Variants in DHX34 observed in about 807,000 individuals in gnomAD.
The protein encoded by DHX34 is DExH-box helicase 34.
DHX34 carries 96 observed loss-of-function variants against 111.1 expected under a neutral mutation model. The observed-to-expected ratio is 0.86, with a 90% CI of 0.73 to 1.02. The LOEUF (loss-of-function observed/expected upper bound fraction) is 1.02. Ranked by LOEUF, DHX34 falls within the 50% of genes least tolerant of loss-of-function variation. The pLI, the probability that DHX34 is intolerant of heterozygous loss-of-function variation, is 0.00. For missense variants in DHX34, 1,560 were observed against 1,579.9 expected, an observed-to-expected ratio of 0.99 and a Z score of 0.21; for synonymous variants, 688 against 670.4, an observed-to-expected ratio of 1.03 and a Z score of -0.41.
intron 3 of DHX34, 28 bp from the exon 4 acceptor site, chr19:47,357,838 G>C (rs771830044): frequency 1.9e-6 from 3 of 1,600,014 alleles, no homozygotes; most frequent in Non-Finnish European, 1.7e-6. Flanking sequence ...GACAGGGTGT[G>C]CTTCTACCTG....
At chr19:47,375,161 A>G (rs1419360041) in intron 9 of DHX34, among the ~76,000 whole-genome samples, 1 of 152,188 alleles carries the variant, frequency 6.6e-6, no homozygotes, top group Non-Finnish European at 1.5e-5. Flanking sequence ...GCTGTGTGGG[A>G]AAGCAGGGCC....
In DHX34 at chr19:47,357,966, A is replaced by ATTGACCACAAC. The variant is rs1456022677; in HGVS notation, c.1118_1119insTTGACCACAAC (p.Pro374Ter). 8 of 1,613,844 alleles carry ATTGACCACAAC rather than the reference A, an allele frequency of 5.0e-6. No individual in the cohort carries two copies. The Admixed American group carries it at 5.0e-5, about 10-fold the overall frequency. On this transcript the variant is annotated stop_gained and frameshift_variant, in exon 4 of 17. Coordinates refer to ENST00000328771, the MANE Select transcript of DHX34 (RefSeq NM_014681.6). LOFTEE classifies it high-confidence loss of function. ...GTGCTGGAGTCCATTGACCACAAGT[A>ATTGACCACAAC]CCCGCCTGAGGAGCGGGGTGACCTC...
At position 47,382,604 on chromosome 19, in the gene DHX34, G is replaced by T. The variant is rs1970404639; in HGVS notation, c.*491G>T. The T allele has an allele frequency of 6.4e-6, 1 of 155,332 alleles. No individual in the cohort carries two copies. The highest frequency in any genetic ancestry group is 1.4e-5 in the Non-Finnish European group (1 of 69,756). 9.6% of individuals were successfully genotyped at this position (155,332 alleles called of 1,614,324 possible). ...CACTGGTGTTCACGTGGGACCACAGGCTGCACCATAAGACCCACTCACAAT... is the reference window on the plus strand; with the variant it reads ...CACTGGTGTTCACGTGGGACCACAGTCTGCACCATAAGACCCACTCACAAT... On this transcript the variant is annotated 3_prime_UTR_variant, in exon 17 of 17. Coordinates refer to ENST00000328771, the MANE Select transcript of DHX34 (RefSeq NM_014681.6).
In DHX34 at chr19:47,379,725, A is replaced by G; in HGVS notation, c.2722A>G (p.Ser908Gly). The change falls in exon 14 of 17, where the codon AGC (serine) becomes GGC (glycine). Residue 908 changes from serine to glycine, a missense_variant. Transcript: ENST00000328771. ...IPALQSLLLF[S>G]RSLDTNGDCS... The stretch of plus-strand genomic sequence containing the variant: ...TCTCTTTCAGTCCCTCCTGCTTTTT[A>G]GCCGGTCTTTGGACACCAATGGTGA... 6.3e-7 allele frequency: 1 copy of G among 1,597,908 alleles called. No homozygotes were observed. Among genetic ancestry groups the G allele is most frequent in the Non-Finnish European group, 8.6e-7 (1 of 1,166,882 alleles).
At chr19:47,360,843 TG>T (rs1365440159) in intron 5 of DHX34, among the ~76,000 whole-genome samples, 1 of 152,006 alleles carries the variant, frequency 6.6e-6, no homozygotes, top group Non-Finnish European at 1.5e-5. Context: ...GGCTAATTTT[TG>T]TATGTTTAGG....
At chr19:47,372,634 AGGAGGGCAGGCG>A (rs11269662) in intron 7 of DHX34, 84 bp from the exon 8 acceptor site, 91,599 of 1,452,288 alleles carry the variant, frequency 0.063, 3,636 homozygotes, top group African/African-American at 0.19. Flanking sequence ...GGGTGGGAGC[AGGAGGGCAGGCG>A]GGAGGGCAGG....
intron 13 of DHX34, 92 bp downstream of exon 13, chr19:47,377,298 G>A: frequency 2.9e-6 from 4 of 1,357,156 alleles, no homozygotes; most frequent in South Asian, 1.3e-5. Flanking sequence ...GCTTGGAGGG[G>A]CCACCTGGCA....
chr19:47,375,743 C>G, intron 10 of DHX34, 35 bp downstream of exon 10: 1 of 1,558,248 alleles, frequency 6.4e-7, no homozygotes, highest in Non-Finnish European at 8.6e-7. Context: ...TGGGGGTTTA[C>G]CAAGGTGGGC....
intron 16 of DHX34, chr19:47,381,536 T>C (rs1970359047): frequency 4.6e-6 from 3 of 656,258 alleles, no homozygotes; most frequent in South Asian, 2.1e-5. Flanking sequence ...TGTCTGCCTG[T>C]CCCCTGTGGT....
rs1287420380 is a variant in DHX34, at chr19:47,381,203, C to T, written c.3177C>T (p.Tyr1059=). ...YNCLTNDTDL[Y]SDCLRTFWTC... is the part of the protein sequence containing the mutation. ...TGCCACAGAATGACACAGACCTGTACAGCGACTGTCTCCGAACCTTCTGGA... is the reference window on the plus strand; with the variant it reads ...TGCCACAGAATGACACAGACCTGTATAGCGACTGTCTCCGAACCTTCTGGA... The change falls in exon 16 of 17, where the codon TAC becomes TAT. Residue 1059 remains tyrosine (Y), a synonymous_variant. Coordinates refer to ENST00000328771, the MANE Select transcript of DHX34 (RefSeq NM_014681.6). 2 of 1,614,058 alleles carry T rather than the reference C, an allele frequency of 1.2e-6. No homozygotes were observed.
At position 47,376,465 on chromosome 19, in the gene DHX34, A is replaced by G. The variant is rs975317340; in HGVS notation, c.2504A>G (p.Gln835Arg). ...SDQIFHTQAKQGAVLHPTCVF... is the reference protein window; with the variant it reads ...SDQIFHTQAKRGAVLHPTCVF... ...CAGATTTTCCACACGCAGGCCAAGCAGGGCGCCGTGCTGCACCCCACCTGC... is the reference window on the plus strand; with the variant it reads ...CAGATTTTCCACACGCAGGCCAAGCGGGGCGCCGTGCTGCACCCCACCTGC... Residue 835 changes from glutamine to arginine, a missense_variant, in exon 12 of 17, where the codon CAG becomes CGG. Physicochemically the swap from Gln to Arg is conservative, Grantham distance 43 (BLOSUM62 1). Transcript: ENST00000328771. 12 of 1,611,582 alleles carry G rather than the reference A, an allele frequency of 7.4e-6. No individual in the cohort carries two copies. In the African/African-American group the frequency reaches 1.6e-4, roughly 22 times the overall value.
chr19:47,360,722 T>C (rs1053575163), intron 5 of DHX34, among the ~76,000 whole-genome samples: 3 of 152,096 alleles, frequency 2.0e-5, no homozygotes, highest in African/African-American at 4.8e-5. Flanking sequence ...GGAGTCTTGC[T>C]CTGTTGCCAG....
intron 6 of DHX34, among the ~76,000 whole-genome samples, chr19:47,366,304 A>G (rs555880046): frequency 1.3e-5 from 2 of 152,116 alleles, no homozygotes; most frequent in African/African-American, 2.4e-5. Context: ...TTTTTGAGAT[A>G]GAATCTCACT....
In DHX34 at chr19:47,372,850, C is replaced by G. The variant is rs758872690; in HGVS notation, c.1889C>G (p.Ala630Gly). The G allele has an allele frequency of 1.2e-6, 2 of 1,612,166 alleles. No individual in the cohort carries two copies. Among genetic ancestry groups the G allele is most frequent in the Admixed American group, 3.3e-5 (2 of 59,950 alleles). Reference protein sequence around the residue: ...RSAQSSPECAAARRPLESDQG... With the variant: ...RSAQSSPECAGARRPLESDQG... ...GCCCAGAGCAGCCCAGAGTGCGCGG[C>G]AGCACGGCGGCCGCTGGAGAGCGAC... Residue 630 changes from alanine to glycine, a missense_variant, in exon 8 of 17, where the codon GCA (alanine) becomes GGA (glycine). Transcript: ENST00000328771.
At chr19:47,364,407 A>G (rs1488171803) in intron 6 of DHX34, among the ~76,000 whole-genome samples, 1 of 151,536 alleles carries the variant, frequency 6.6e-6, no homozygotes, top group Non-Finnish European at 1.5e-5. Flanking sequence ...GGTGCACACT[A>G]TTTTCTATTC....
rs200477561 is a variant in DHX34, at chr19:47,379,662, G to A, written c.2707-48G>A. The stretch of plus-strand genomic sequence containing the variant: ...CCGGGCAGGGCCTGTCTCCAATAGC[G>A]CCCTGCCCCTCCCACCTACTCCCTG... On this transcript the variant is annotated intron_variant, in intron 13 of 16. Transcript: ENST00000328771. The A allele has an allele frequency of 1.7e-4, 270 of 1,552,096 alleles. 1 individual carries two copies. The highest frequency in any genetic ancestry group is 2.2e-4 in the Middle Eastern group (1 of 4,608).
Position 47,382,081 on chromosome 19 carries a change from G to C in DHX34, c.3400G>C (p.Glu1134Gln). 6.2e-7 allele frequency: 1 copy of C among 1,614,066 alleles called. No individual in the cohort carries two copies. The highest frequency in any genetic ancestry group is 8.5e-7 in the Non-Finnish European group (1 of 1,180,008). ...CGKDFLFTPT[E>Q]VLRHRKQHV Reference sequence around the variant, plus strand: ...GAAGGACTTCCTCTTTACACCCACAGAGGTGCTGCGCCACCGGAAGCAGCA... The same window carrying C: ...GAAGGACTTCCTCTTTACACCCACACAGGTGCTGCGCCACCGGAAGCAGCA... The change falls in exon 17 of 17, where the codon GAG becomes CAG. Residue 1134 changes from glutamate to glutamine, a missense_variant. Transcript: ENST00000328771.
In DHX34 at chr19:47,376,463, G is replaced by T; in HGVS notation, c.2502G>T (p.Lys834Asn). The T allele has an allele frequency of 6.2e-7, 1 of 1,611,664 alleles. No individual in the cohort carries two copies. Among genetic ancestry groups the T allele is most frequent in the Non-Finnish European group, 8.5e-7 (1 of 1,179,168 alleles). ...CGCAGATTTTCCACACGCAGGCCAAGCAGGGCGCCGTGCTGCACCCCACCT... is the reference window on the plus strand; with the variant it reads ...CGCAGATTTTCCACACGCAGGCCAATCAGGGCGCCGTGCTGCACCCCACCT... ...DSDQIFHTQAKQGAVLHPTCV... is the reference protein window; with the variant it reads ...DSDQIFHTQANQGAVLHPTCV... Residue 834 changes from lysine to asparagine, a missense_variant, in exon 12 of 17, where the codon AAG becomes AAT. By Grantham distance (94) the Lys-to-Asn change is moderately conservative. Transcript: ENST00000328771.
chr19:47,365,695 C>G (rs1223585751), intron 6 of DHX34, among the ~76,000 whole-genome samples: 1 of 152,186 alleles, frequency 6.6e-6, no homozygotes, highest in Non-Finnish European at 1.5e-5. Context: ...ACAGACTTCT[C>G]TGAGCTTCCT....
Sources: allele counts gnomAD v4.1 joint callset (sites outside exome capture counted in the v4.1 genomes callset), GRCh38; gene constraint gnomAD v4.1.1; transcripts MANE v1.5; gene names NCBI Gene and HGNC (gene_info 2026-07-23, HGNC 2026-07-21).